DCLRE1C: variants seen among roughly 807,000 people sequenced by gnomAD.
The protein encoded by DCLRE1C is protein artemis.
A neutral mutation model predicts 61.4 loss-of-function variants in DCLRE1C; 47 were observed. That is an observed-to-expected ratio of 0.77 (90% confidence interval 0.61 to 0.98). DCLRE1C has a LOEUF of 0.98. DCLRE1C is among the 50% of genes least tolerant of loss of function. The pLI is 0.00. For synonymous variants in DCLRE1C, 337 were observed against 287.6 expected, an observed-to-expected ratio of 1.17 and a Z score of -1.74; for missense variants, 858 against 816.0, an observed-to-expected ratio of 1.05 and a Z score of -0.63.
rs745969945 is a variant in DCLRE1C, at chr10:14,936,549, C to T, written c.351G>A (p.Pro117=). ...VVTLLPAGHC[P]GSVMFLFQGN... ...AATGACCCCCTTACATAACTGATCC[C>T]GGACAGTGACCAGCTGGTAAGAGAG... Residue 117 remains proline (P), a synonymous_variant, in exon 5 of 14, where the codon CCG becomes CCA. Transcript: ENST00000378278. The T allele has an allele frequency of 3.7e-6, 6 of 1,612,630 alleles. No individual in the cohort carries two copies. In the African/African-American group the frequency reaches 4.0e-5, roughly 11 times the overall value.
chr10:14,933,531 G>A lies in DCLRE1C; in HGVS notation c.679-576C>T, dbSNP rs553103513. The stretch of plus-strand genomic sequence containing the variant: ...TCAGGCCTGTAATCCAAGCTACTCG[G>A]GAGTCTGAGGCAAGAGAATCACTTG... On this transcript the variant is annotated intron_variant, in intron 8 of 13. Transcript: ENST00000378278. Among the ~76,000 whole-genome samples, 41 of 152,136 alleles carry A rather than the reference G, an allele frequency of 2.7e-4. 1 individual carries two copies. The highest frequency in any genetic ancestry group is 4.6e-4 in the Non-Finnish European group (31 of 68,006).
exon 14 of DCLRE1C, chr10:14,899,187 G>C (rs148343292): frequency 5.7e-6 from 4 of 701,732 alleles, no homozygotes; most frequent in Admixed American, 2.0e-5. Flanking sequence ...TGGGCATGGC[G>C]GTATGCACCT....
intron 11 of DCLRE1C, among the ~76,000 whole-genome samples, chr10:14,926,177 G>A (rs148852621): frequency 2.0e-5 from 3 of 152,170 alleles, no homozygotes; most frequent in Non-Finnish European, 4.4e-5. Flanking sequence ...TGATACACTT[G>A]TTGACAGAGT....
intron 11 of DCLRE1C, among the ~76,000 whole-genome samples, chr10:14,924,714 C>T (rs1043381858): frequency 2.6e-5 from 4 of 151,146 alleles, no homozygotes; most frequent in East Asian, 2.0e-4. Flanking sequence ...TGGGTGTGGT[C>T]GTGGGCGCCG....
chr10:14,936,327 T>C (rs2130968654), intron 5 of DCLRE1C, among the ~76,000 whole-genome samples: 1 of 134,140 alleles, frequency 7.5e-6, no homozygotes, highest in African/African-American at 3.0e-5. Flanking sequence ...TCTTTCTTTC[T>C]TTTTTTTTTT....
At chr10:14,950,024 GAC>G (rs1292433474) in intron 1 of DCLRE1C, among the ~76,000 whole-genome samples, 1 of 151,194 alleles carries the variant, frequency 6.6e-6, no homozygotes, top group Non-Finnish European at 1.5e-5. Flanking sequence ...CGGCCTGGGC[GAC>G]AGAGTGAGAC....
In DCLRE1C at chr10:14,906,261, A is replaced by C. The variant is rs1834384116; in HGVS notation, c.*2147T>G. On this transcript the variant is annotated 3_prime_UTR_variant, in exon 14 of 14. Coordinates refer to ENST00000378278, the MANE Select transcript of DCLRE1C (RefSeq NM_001033855.3). ...AAAGGGTGGTTGTGAAAATTAAAGG[A>C]GTTCATATAGTCTGTAAAAAACTTA... is the stretch of plus-strand genomic sequence containing the variant. 6.6e-6 allele frequency among the ~76,000 whole-genome samples: 1 copy of C among 152,218 alleles called. No homozygotes were observed. Among genetic ancestry groups the C allele is most frequent in the African/African-American group, 2.4e-5 (1 of 41,448 alleles).
chr10:14,949,942 G>A (rs956270903), intron 1 of DCLRE1C, among the ~76,000 whole-genome samples: 1 of 152,180 alleles, frequency 6.6e-6, no homozygotes, highest in South Asian at 2.1e-4. Flanking sequence ...CTACTCGGGT[G>A]GCTGAGGCAG....
Position 14,909,028 on chromosome 10 carries a change from G to C in DCLRE1C, c.1459C>G (p.Pro487Ala). ...CTTTTAAAGAATACTTCCCACTGGGGTACATCCCCATCAGCCTTTTGCAGG... is the reference window on the plus strand; with the variant it reads ...CTTTTAAAGAATACTTCCCACTGGGCTACATCCCCATCAGCCTTTTGCAGG... Reference protein sequence around the residue: ...LHLQKADGDVPQWEVFFKRND... With the variant: ...LHLQKADGDVAQWEVFFKRND... Residue 487 changes from proline to alanine, a missense_variant, in exon 14 of 14, where the codon CCC becomes GCC. By Grantham distance (27) the Pro-to-Ala change is conservative. Transcript: ENST00000378278. 1 of 1,614,086 alleles carries C rather than the reference G, an allele frequency of 6.2e-7. No homozygotes were observed. Among genetic ancestry groups the C allele is most frequent in the South Asian group, 1.1e-5 (1 of 91,074 alleles).
chr10:14,899,621 A>T, downstream of DCLRE1C: 1 of 1,614,170 alleles, frequency 6.2e-7, no homozygotes, highest in Non-Finnish European at 8.5e-7. Context: ...CTGGACTATG[A>T]GTCTGATGAA....
intron 12 of DCLRE1C, among the ~76,000 whole-genome samples, chr10:14,920,209 G>A (rs969115401): frequency 6.6e-6 from 1 of 152,102 alleles, no homozygotes; most frequent in African/African-American, 2.4e-5. Context: ...TCTGGCATTC[G>A]GGATACAATA....
At chr10:14,943,369 C>A (rs1188222873) in intron 3 of DCLRE1C, among the ~76,000 whole-genome samples, 1 of 152,130 alleles carries the variant, frequency 6.6e-6, no homozygotes, top group Non-Finnish European at 1.5e-5. Flanking sequence ...ACACCCTCTT[C>A]AAACCTTGTC....
At chr10:14,916,756 G>C (rs1836268627) in intron 13 of DCLRE1C, among the ~76,000 whole-genome samples, 1 of 152,180 alleles carries the variant, frequency 6.6e-6, no homozygotes, top group Non-Finnish European at 1.5e-5. Context: ...AGAGAAATTA[G>C]AGCAGACTTA....
At chr10:14,915,471 A>G (rs1010491778) in intron 13 of DCLRE1C, among the ~76,000 whole-genome samples, 1 of 152,110 alleles carries the variant, frequency 6.6e-6, no homozygotes, top group African/African-American at 2.4e-5. Flanking sequence ...ATATCAGTAG[A>G]TTCTACAGAT....
At chr10:14,900,999 C>A, downstream of DCLRE1C, 1 of 1,182,444 alleles carries the variant, frequency 8.5e-7, no homozygotes, top group Non-Finnish European at 1.2e-6. Flanking sequence ...GCCTCAAAGA[C>A]CTCTAAGCAA....
intron 4 of DCLRE1C, among the ~76,000 whole-genome samples, chr10:14,937,128 T>G (rs914671758): frequency 7.9e-5 from 12 of 151,882 alleles, no homozygotes; most frequent in African/African-American, 2.4e-4. Flanking sequence ...TCCAATACAG[T>G]AGTGGTTGCC....
chr10:14,953,666 C>T (rs915204682), intron 1 of DCLRE1C, among the ~76,000 whole-genome samples: 1 of 152,202 alleles, frequency 6.6e-6, no homozygotes, highest in Non-Finnish European at 1.5e-5. Context: ...ACTAGCAGTG[C>T]TTGACCAAGC....
At chr10:14,901,916 TTATTC>T (rs1834051013), downstream of DCLRE1C, among the ~76,000 whole-genome samples, 1 of 152,220 alleles carries the variant, frequency 6.6e-6, no homozygotes, top group Non-Finnish European at 1.5e-5. Context: ...ACATACAAAT[TTATTC>T]TATTCCTACT....
chr10:14,937,177 C>T (rs183200153), intron 4 of DCLRE1C, among the ~76,000 whole-genome samples: 35 of 151,666 alleles, frequency 2.3e-4, no homozygotes, highest in East Asian at 5.8e-4. Context: ...GGATTGCGAT[C>T]GCTAAAGGCT....
Sources: allele counts gnomAD v4.1 joint callset (sites outside exome capture counted in the v4.1 genomes callset), GRCh38; gene constraint gnomAD v4.1.1; transcripts MANE v1.5; gene names NCBI Gene and HGNC (gene_info 2026-07-23, HGNC 2026-07-21).